Variants in SNF8 observed in about 807,000 individuals in gnomAD.
The protein encoded by SNF8 is SNF8 subunit of ESCRT-II, also known as vacuolar-sorting protein SNF8.
In SNF8, 19 loss-of-function variants were observed where a neutral mutation model predicts 36.8. The ratio of observed to expected loss-of-function variants is 0.52; its 90% confidence interval spans 0.36 to 0.76. SNF8 has a LOEUF of 0.76. Among genes scored for constraint, SNF8 ranks in the 30% least tolerant of loss-of-function variants. The pLI, the probability that SNF8 is intolerant of heterozygous loss-of-function variation, is 0.00. For missense variants in SNF8, 268 were observed against 322.9 expected (o/e 0.83, Z 1.30); for synonymous variants, 127 against 127.4 (o/e 1.00, Z 0.02).
rs1211139064 is a variant in SNF8, at chr17:48,929,537, T to C, written c.*938A>G. 2 of 152,170 alleles carry C rather than the reference T, an allele frequency of 1.3e-5. No individual in the cohort carries two copies. Among genetic ancestry groups the C allele is most frequent in the African/African-American group, 4.8e-5 (2 of 41,426 alleles). The allele number at this position is 152,170 out of a possible 1,614,324, so 9.4% of individuals were successfully genotyped here. ...CCCTCATCACCACTTCTACTTGCTA[T>C]AGGAGATTCTTGCTTTCTGATGCAG... On this transcript the variant is annotated 3_prime_UTR_variant, in exon 8 of 8. Transcript: ENST00000502492.
chr17:48,939,630 T>C (rs1192067308), intron 3 of SNF8, among the ~76,000 whole-genome samples: 1 of 151,650 alleles, frequency 6.6e-6, no homozygotes, highest in Admixed American at 6.6e-5. Flanking sequence ...TGGCTAATTT[T>C]TTGTATTTTT....
rs746119220 is a variant in SNF8 at position 48,931,698 on chromosome 17, A to G, written c.584T>C (p.Val195Ala). Residue 195 changes from valine (V) to alanine (A), a missense_variant, in exon 7 of 8, where the codon GTC becomes GCC. By Grantham distance (64) the Val-to-Ala change is moderately conservative. Coordinates refer to ENST00000502492, the MANE Select transcript of SNF8 (RefSeq NM_007241.4). ...QLAEKNGYVTVSEIKASLKWE... is the reference protein window; with the variant it reads ...QLAEKNGYVTASEIKASLKWE... ...TTTAAGACTGGCTTTGATCTCACTGACAGTCACGTAGCCATTCTTCTGAAG... is the reference window on the plus strand; with the variant it reads ...TTTAAGACTGGCTTTGATCTCACTGGCAGTCACGTAGCCATTCTTCTGAAG... The G allele has an allele frequency of 3.1e-6, 5 of 1,613,184 alleles. No individual in the cohort carries two copies. The highest frequency in any genetic ancestry group is 4.2e-6 in the Non-Finnish European group (5 of 1,179,576).
chr17:48,933,548 C>T, intron 5 of SNF8: 1 of 585,326 alleles, frequency 1.7e-6, no homozygotes, highest in East Asian at 2.9e-5. Context: ...TAGAGACCAG[C>T]CTGGGCAACA....
At chr17:48,935,053 T>C (rs1408629051) in intron 5 of SNF8, among the ~76,000 whole-genome samples, 2 of 152,130 alleles carry the variant, frequency 1.3e-5, no homozygotes, top group African/African-American at 4.8e-5. Flanking sequence ...ACTACTCTCC[T>C]TGGCCTCAAA....
Position 48,930,544 on chromosome 17 carries a change from C to T in SNF8, c.708G>A (p.Leu236=). The T allele has an allele frequency of 6.2e-7, 1 of 1,613,336 alleles. No homozygotes were observed. Among genetic ancestry groups the T allele is most frequent in the East Asian group, 2.2e-5 (1 of 44,890 alleles). The stretch of plus-strand genomic sequence containing the variant: ...AGTAGAGGTCAGTGAAGAGAGCTGG[C>T]AGCCAGTAGTGGGCCTCCCCTGGGG... ...LQAPGEAHYW[L]PALFTDLYSQ... The change falls in exon 8 of 8, where the codon CTG becomes CTA. Residue 236 remains leucine, a synonymous_variant. Coordinates refer to ENST00000502492, the MANE Select transcript of SNF8 (RefSeq NM_007241.4).
At position 48,929,611 on chromosome 17, in the gene SNF8, A is replaced by AGTAT. The variant is rs1567782212; in HGVS notation, c.*860_*863dup. ...CGTGTGTAGAAAAATGTCTACACACAGTATGTGCTGCCATTCTGTACTATG... is the reference window on the plus strand; with the variant it reads ...CGTGTGTAGAAAAATGTCTACACACAGTATGTATGTGCTGCCATTCTGTACTATG... On this transcript the variant is annotated 3_prime_UTR_variant, in exon 8 of 8. Coordinates refer to ENST00000502492, the MANE Select transcript of SNF8 (RefSeq NM_007241.4). The AGTAT allele has an allele frequency of 1.3e-5, 2 of 152,180 alleles. No homozygotes were observed. The highest frequency in any genetic ancestry group is 3.9e-4 in the East Asian group (2 of 5,190). The allele number at this position is 152,180 out of a possible 1,614,324, so 9.4% of individuals were successfully genotyped here.
rs1490699271 is a variant in SNF8, at chr17:48,944,690, T to C, written c.45A>G (p.Lys15=). The part of the protein sequence containing the change: ...GVGAGAIAKK[K]LAEAKYKERG... The stretch of plus-strand genomic sequence containing the variant: ...CCTTCTTCCTGCTCACCTCTGCAAG[T>C]TTCTTCTTGGCGATGGCGCCAGCTC... Residue 15 remains lysine, a synonymous_variant, in exon 1 of 8, where the codon AAA becomes AAG. Coordinates refer to ENST00000502492, the MANE Select transcript of SNF8 (RefSeq NM_007241.4). 1.2e-6 allele frequency: 2 copies of C among 1,612,252 alleles called. No homozygotes were observed. Among genetic ancestry groups the C allele is most frequent in the African/African-American group, 2.7e-5 (2 of 74,572 alleles).
intron 3 of SNF8, among the ~76,000 whole-genome samples, chr17:48,938,162 AT>A (rs1409569183): frequency 1.3e-5 from 2 of 152,134 alleles, no homozygotes; most frequent in Non-Finnish European, 2.9e-5. Context: ...GAAATAAAAA[AT>A]AAATAAATAA....
At chr17:48,937,461 CTAATAA>C (rs1205040245) in intron 3 of SNF8, among the ~76,000 whole-genome samples, 2 of 119,194 alleles carry the variant, frequency 1.7e-5, no homozygotes, top group Non-Finnish European at 4.1e-5. Flanking sequence ...AACCCCATCT[CTAATAA>C]TAATAATAAT....
chr17:48,930,696 T>C, intron 7 of SNF8, 84 bp from the exon 8 acceptor site: 1 of 1,415,252 alleles, frequency 7.1e-7, no homozygotes, highest in Non-Finnish European at 9.5e-7. Flanking sequence ...CACACCTATT[T>C]TGGCTTCAGT....
At chr17:48,942,056 GA>G (rs901056742) in intron 2 of SNF8, among the ~76,000 whole-genome samples, 1 of 151,980 alleles carries the variant, frequency 6.6e-6, no homozygotes, top group Non-Finnish European at 1.5e-5. Context: ...CCTCCCTGGG[GA>G]TCAACTCCAG....
chr17:48,941,946 C>T (rs1249982789), intron 2 of SNF8, among the ~76,000 whole-genome samples: 1 of 152,006 alleles, frequency 6.6e-6, no homozygotes, highest in African/African-American at 2.4e-5. Flanking sequence ...CTGTCTCAGC[C>T]TCCCAAAGTG....
At chr17:48,936,814 C>A in intron 4 of SNF8, 2 of 598,422 alleles carry the variant, frequency 3.3e-6, no homozygotes, top group Non-Finnish European at 5.9e-6. Flanking sequence ...GGCCAAAGAT[C>A]TTTGGAGAAC....
chr17:48,939,831 C>T (rs9905080), intron 3 of SNF8, among the ~76,000 whole-genome samples: 149,341 of 151,980 alleles, frequency 0.98, 73,441 homozygotes, highest in East Asian at 1. Context: ...TCCCAGCACT[C>T]TGGAAGGCCA....
intron 5 of SNF8, chr17:48,933,666 C>G (rs747802077): frequency 3.5e-5 from 10 of 282,196 alleles, no homozygotes; most frequent in Non-Finnish European, 3.5e-5. Context: ...CCCAGGAGTT[C>G]AAGGCTGCAG....
intron 7 of SNF8, 81 bp downstream of exon 7, chr17:48,931,562 T>TG: frequency 1.7e-6 from 2 of 1,167,696 alleles, no homozygotes; most frequent in South Asian, 1.4e-5. Context: ...AAAGCAATGC[T>TG]GAAGTTCCTG....
At position 48,940,931 on chromosome 17, in the gene SNF8, C is replaced by A. The variant is rs34165903; in HGVS notation, c.237G>T (p.Pro79=). The change falls in exon 3 of 8, where the codon CCG becomes CCT. Residue 79 remains proline (P), a synonymous_variant. Transcript: ENST00000502492. ...QDMCATIGVD[P]LASGKGFWSE... ...CTACAGACAACTTCTTACAGGCCAG[C>A]GGATCCACGCCAATGGTTGCACACA... The A allele has an allele frequency of 7.4e-6, 12 of 1,611,842 alleles. No homozygotes were observed. In the South Asian group the frequency reaches 1.1e-4, roughly 15 times the overall value.
At chr17:48,930,691 C>A in intron 7 of SNF8, 79 bp from the exon 8 acceptor site, 1 of 1,444,066 alleles carries the variant, frequency 6.9e-7, no homozygotes, top group Non-Finnish European at 9.3e-7. Flanking sequence ...ACCCCCACAC[C>A]TATTTTGGCT....
chr17:48,943,006 C>T (rs1430677706), intron 2 of SNF8, among the ~76,000 whole-genome samples: 1 of 152,004 alleles, frequency 6.6e-6, no homozygotes, highest in Non-Finnish European at 1.5e-5. Context: ...GCTGGGACTA[C>T]AGGAGCCCGC....
Sources: allele counts gnomAD v4.1 joint callset (sites outside exome capture counted in the v4.1 genomes callset), GRCh38; gene constraint gnomAD v4.1.1; transcripts MANE v1.5; gene names NCBI Gene and HGNC (gene_info 2026-07-23, HGNC 2026-07-21).